Variants in EXPH5 observed in about 807,000 individuals in gnomAD.
EXPH5 encodes exophilin-5.
In EXPH5, 42 loss-of-function variants were observed where a neutral mutation model predicts 41.1. The observed-to-expected ratio is 1.02, with a 90% CI of 0.80 to 1.32. EXPH5 has a LOEUF of 1.32. Ranked by LOEUF, EXPH5 falls within the 40% of genes most tolerant of loss-of-function variation. EXPH5 has a pLI of 0.00. For synonymous variants in EXPH5, 798 were observed against 833.5 expected (o/e 0.96, Z 0.73); for missense variants, 2,298 against 2,314.5 (o/e 0.99, Z 0.15).
intron 1 of EXPH5, among the ~76,000 whole-genome samples, chr11:108,548,692 G>C (rs1940212): frequency 0.61 from 92,285 of 152,078 alleles, 30,155 homozygotes; most frequent in East Asian, 0.8. Context: ...CTCTGGGTAC[G>C]TGTAATTCAT....
intron 4 of EXPH5, among the ~76,000 whole-genome samples, chr11:108,521,343 C>A (rs150093276): frequency 6.6e-6 from 1 of 152,062 alleles, no homozygotes; most frequent in South Asian, 2.1e-4. Flanking sequence ...TGCTTGTTTT[C>A]TTTCTCAAGG....
chr11:108,572,901 G>A (rs2094065528), intron 1 of EXPH5, among the ~76,000 whole-genome samples: 6 of 151,970 alleles, frequency 3.9e-5, no homozygotes, highest in Admixed American at 3.9e-4. Flanking sequence ...CTGCAATTAA[G>A]TAATTTTTGA....
At position 108,513,979 on chromosome 11, in the gene EXPH5, T is replaced by C. The variant is rs1349511049; in HGVS notation, c.1528A>G (p.Ile510Val). 1 of 1,610,596 alleles carries C rather than the reference T, an allele frequency of 6.2e-7. No homozygotes were observed. The change falls in exon 6 of 6, where the codon ATT (isoleucine) becomes GTT (valine). Residue 510 changes from isoleucine to valine, a missense_variant. Physicochemically the swap from Ile to Val is conservative, Grantham distance 29. Coordinates refer to ENST00000265843, the MANE Select transcript of EXPH5 (RefSeq NM_015065.3). ...FSSSDRDFEMISMEANSVSAI... is the reference protein window; with the variant it reads ...FSSSDRDFEMVSMEANSVSAI... ...GATACACTATTTGCTTCCATGGAAATCATTTCAAAGTCTCTGTCAGAAGAA... is the reference window on the plus strand; with the variant it reads ...GATACACTATTTGCTTCCATGGAAACCATTTCAAAGTCTCTGTCAGAAGAA...
intron 1 of EXPH5, among the ~76,000 whole-genome samples, chr11:108,552,492 G>T (rs1231327991): frequency 6.6e-6 from 1 of 152,116 alleles, no homozygotes; most frequent in East Asian, 1.9e-4. Context: ...AGCCCTTTAG[G>T]ACTCAAAGAG....
intron 5 of EXPH5, 135 bp from the exon 6 acceptor site, chr11:108,515,010 T>C: frequency 2.1e-6 from 1 of 468,248 alleles, no homozygotes; most frequent in Non-Finnish European, 3.4e-6. Context: ...TGTTATAACA[T>C]TAATTTTGAT....
chr11:108,540,387 C>G (rs2093906252), intron 2 of EXPH5, among the ~76,000 whole-genome samples: 1 of 151,912 alleles, frequency 6.6e-6, no homozygotes, highest in Non-Finnish European at 1.5e-5. Flanking sequence ...GACATGCTGA[C>G]TTTATAAATA....
chr11:108,527,211 T>C (rs1297190681), intron 4 of EXPH5, among the ~76,000 whole-genome samples: 2 of 152,020 alleles, frequency 1.3e-5, no homozygotes, highest in Admixed American at 6.5e-5. Flanking sequence ...TCCCAGCTAA[T>C]TGGGAGGTTA....
chr11:108,555,652 T>G (rs976618271), intron 1 of EXPH5, among the ~76,000 whole-genome samples: 2 of 152,178 alleles, frequency 1.3e-5, no homozygotes, highest in African/African-American at 4.8e-5. Context: ...GGGTGGGACC[T>G]CGTGGGAGGT....
intron 5 of EXPH5, among the ~76,000 whole-genome samples, chr11:108,516,358 C>T (rs549602639): frequency 7.9e-5 from 12 of 152,258 alleles, no homozygotes; most frequent in South Asian, 4.2e-4. Flanking sequence ...GCCACAGCAT[C>T]CTTTTGGTGA....
At position 108,507,769 on chromosome 11, in the gene EXPH5, T is replaced by G. The variant is rs1357783680; in HGVS notation, c.*1768A>C. 1 of 152,136 alleles carries G rather than the reference T, an allele frequency of 6.6e-6. No homozygotes were observed. Among genetic ancestry groups the G allele is most frequent in the Non-Finnish European group, 1.5e-5 (1 of 68,026 alleles). 9.4% of individuals were successfully genotyped at this position (152,136 alleles called of 1,614,324 possible). A position where few individuals can be genotyped will look rare whatever the true frequency, so the allele number is the denominator to read the frequency against. On this transcript the variant is annotated 3_prime_UTR_variant, in exon 6 of 6. Coordinates refer to ENST00000265843, the MANE Select transcript of EXPH5 (RefSeq NM_015065.3). ...AGAATGAATTCCAGGGTGTCAGATC[T>G]GACTTGATGGCATTTTAGGGACTTG...
chr11:108,570,364 C>T (rs1421077277), intron 1 of EXPH5, among the ~76,000 whole-genome samples: 2 of 152,124 alleles, frequency 1.3e-5, no homozygotes, highest in Non-Finnish European at 2.9e-5. Context: ...AAGCAATTCT[C>T]CTGCCTTAGC....
chr11:108,552,693 G>T (rs1185926209), intron 1 of EXPH5, among the ~76,000 whole-genome samples: 1 of 152,180 alleles, frequency 6.6e-6, no homozygotes, highest in Non-Finnish European at 1.5e-5. Context: ...AAGGTGGAAG[G>T]ATTACTTGAG....
chr11:108,513,394 C>A lies in EXPH5; in HGVS notation c.2113G>T (p.Glu705Ter). ...TGTTTGTCTTCTTCTGAAATAGATT[C>A]ATTTAAGTCTTTCTCATTATTTACT... The part of the protein sequence containing the change: ...TEVNNEKDLN[E>*]SISEEDKQLS... The change falls in exon 6 of 6, where the codon GAA becomes TAA. Residue 705 changes from glutamate to a stop codon, truncating the protein, a stop_gained. Transcript: ENST00000265843. LOFTEE classifies it low-confidence loss of function (END_TRUNC). 1 of 1,613,808 alleles carries A rather than the reference C, an allele frequency of 6.2e-7. No individual in the cohort carries two copies. The highest frequency in any genetic ancestry group is 1.6e-4 in the Middle Eastern group (1 of 6,062).
At chr11:108,580,712 C>T (rs1330879865) in intron 1 of EXPH5, among the ~76,000 whole-genome samples, 1 of 152,126 alleles carries the variant, frequency 6.6e-6, no homozygotes, top group African/African-American at 2.4e-5. Context: ...CTGTAGAATA[C>T]TATTCAGCCA....
rs544716123 is a variant in EXPH5, at chr11:108,533,495, G to T, written c.444-5311C>A. 2.4e-3 allele frequency among the ~76,000 whole-genome samples: 363 copies of T among 152,210 alleles called. 2 individuals are homozygous for T. The highest frequency in any genetic ancestry group is 6.8e-3 in the Middle Eastern group (2 of 294). ...TGGGATTACAGGCGTGAGCCACCTCGCCCGGCCTACATTCTAAATCTTGCA... is the reference window on the plus strand; with the variant it reads ...TGGGATTACAGGCGTGAGCCACCTCTCCCGGCCTACATTCTAAATCTTGCA... On this transcript the variant is annotated intron_variant, in intron 3 of 5. Coordinates refer to ENST00000265843, the MANE Select transcript of EXPH5 (RefSeq NM_015065.3).
In EXPH5 at chr11:108,512,312, A is replaced by G. The variant is rs138878734; in HGVS notation, c.3195T>C (p.Tyr1065=). ...KNNVEDAMGN[Y]MLNKFSPSSP... ...AACTGGGACTAAATTTGTTTAACATATAGTTCCCCATTGCATCTTCCACAT... is the reference window on the plus strand; with the variant it reads ...AACTGGGACTAAATTTGTTTAACATGTAGTTCCCCATTGCATCTTCCACAT... Residue 1065 remains tyrosine (Y), a synonymous_variant, in exon 6 of 6, where the codon TAT becomes TAC. Coordinates refer to ENST00000265843, the MANE Select transcript of EXPH5 (RefSeq NM_015065.3). The G allele has an allele frequency of 1.6e-5, 26 of 1,613,574 alleles. No homozygotes were observed. The highest frequency in any genetic ancestry group is 1.3e-4 in the East Asian group (6 of 44,896).
intron 3 of EXPH5, among the ~76,000 whole-genome samples, chr11:108,537,274 A>G (rs1297004545): frequency 1.3e-5 from 2 of 152,242 alleles, no homozygotes. Flanking sequence ...TTTATATTTC[A>G]TCTTCTGAAA....
intron 1 of EXPH5, among the ~76,000 whole-genome samples, chr11:108,581,660 T>G (rs992418180): frequency 2.6e-5 from 4 of 151,760 alleles, no homozygotes; most frequent in Non-Finnish European, 5.9e-5. Context: ...AGAGCAGAAA[T>G]CAATTAAATT....
Position 108,586,726 on chromosome 11 carries a change from T to C in EXPH5, c.119+6692A>G, listed in dbSNP as rs191295044. On this transcript the variant is annotated intron_variant, in intron 1 of 5. Coordinates refer to ENST00000265843, the MANE Select transcript of EXPH5 (RefSeq NM_015065.3). ...TGAAAACCAAGGTAAGCTTTATCAA[T>C]ATAAAAAAACACAACTTTTTGTTGG... Among the ~76,000 whole-genome samples the C allele has an allele frequency of 7.1e-4, 106 of 149,046 alleles. 1 individual carries two copies. Among genetic ancestry groups the C allele is most frequent in the African/African-American group, 2.6e-3 (103 of 39,972 alleles).
Sources: gnomAD v4.1 joint callset for allele counts (sites outside exome capture counted in the v4.1 genomes callset) on GRCh38, gnomAD v4.1.1 for gene constraint, MANE v1.5 for transcripts, NCBI Gene and HGNC (gene_info 2026-07-23, HGNC 2026-07-21) for gene names.